The following VTI1B variants were observed in gnomAD, a reference collection of about 807,000 sequenced individuals.
The protein encoded by VTI1B is vesicle transport through interaction with t-SNAREs 1B.
Under a neutral mutation model 28.6 loss-of-function variants are expected in VTI1B, and 18 were observed. The observed-to-expected ratio is 0.63, with a 90% CI of 0.43 to 0.93. The LOEUF is 0.93. VTI1B is among the 40% of genes least tolerant of loss of function. The pLI is 0.00. For missense variants in VTI1B, 283 were observed against 297.0 expected (o/e 0.95, Z 0.35); for synonymous variants, 100 against 107.9 (o/e 0.93, Z 0.46).
rs747851031 is a variant in VTI1B at position 67,656,513 on chromosome 14, C to T, written c.443G>A (p.Arg148His). The T allele has an allele frequency of 6.2e-6, 10 of 1,613,852 alleles. No homozygotes were observed. In the African/African-American group the frequency reaches 8.0e-5, roughly 13 times the overall value. Residue 148 changes from arginine to histidine, a missense_variant, in exon 4 of 6, where the codon CGT (arginine) becomes CAT (histidine). Transcript: ENST00000554659. The part of the protein sequence containing the change: ...SLNRATQSIE[R>H]SHRIATETDQ... ...AGTCTCTGTGGCAATCCGATGAGAA[C>T]GTTCAATACTTTGGGTGGCCCGGTT...
intron 1 of VTI1B, 84 bp downstream of exon 1, chr14:67,674,291 C>G: frequency 7.7e-7 from 1 of 1,297,962 alleles, no homozygotes; most frequent in Non-Finnish European, 1.0e-6. Context: ...GACGCGGGCC[C>G]GGGTCTGGGA....
At chr14:67,671,951 G>A (rs761108733) in intron 1 of VTI1B, among the ~76,000 whole-genome samples, 24 of 152,188 alleles carry the variant, frequency 1.6e-4, no homozygotes, top group Admixed American at 1.2e-3. Context: ...CTCTTAATGC[G>A]ATTAAAATAG....
rs2037216539 is a variant in VTI1B at position 67,653,601 on chromosome 14, A to T, written c.541-103T>A. ...AGGCATTAAGGGATATATGTTGAAA[A>T]ATTCCAAGAAATCAAGCCAATTTAA... On this transcript the variant is annotated intron_variant, in intron 4 of 5. Transcript: ENST00000554659. 5.0e-6 allele frequency: 5 copies of T among 1,004,258 alleles called. No individual in the cohort carries two copies. The South Asian group carries it at 7.9e-5, about 16-fold the overall frequency. The allele number at this position is 1,004,258 out of a possible 1,614,324, so 62.2% of individuals were successfully genotyped here.
Position 67,674,383 on chromosome 14 carries a change from G to T in VTI1B, c.107C>A (p.Ala36Glu), listed in dbSNP as rs1262468271. ...GCCCACCCCCGCCTCACCGGTCCCCGCCGTCCCCAGCAGCCGCTCGGGCAC... is the reference window on the plus strand; with the variant it reads ...GCCCACCCCCGCCTCACCGGTCCCCTCCGTCCCCAGCAGCCGCTCGGGCAC... ...QGVPERLLGT[A>E]GTEEKKKLIR... The change falls in exon 1 of 6, where the codon GCG (alanine) becomes GAG (glutamate). Residue 36 changes from alanine to glutamate, a missense_variant. Transcript: ENST00000554659. 1.3e-6 allele frequency: 2 copies of T among 1,595,466 alleles called. No homozygotes were observed. The highest frequency in any genetic ancestry group is 1.7e-5 in the Admixed American group (1 of 57,882).
At chr14:67,668,592 T>C (rs2037429960) in intron 1 of VTI1B, among the ~76,000 whole-genome samples, 1 of 152,234 alleles carries the variant, frequency 6.6e-6, no homozygotes, top group African/African-American at 2.4e-5. Context: ...ACACATTCCA[T>C]CATCCAATAG....
intron 2 of VTI1B, among the ~76,000 whole-genome samples, 192 bp downstream of exon 2, chr14:67,662,285 A>T (rs1233205399): frequency 6.6e-6 from 1 of 152,186 alleles, no homozygotes; most frequent in Non-Finnish European, 1.5e-5. Flanking sequence ...TTTCAGGAGC[A>T]TCTTCAGGCT....
At chr14:67,660,093 G>A in intron 2 of VTI1B, 171 bp from the exon 3 acceptor site, 1 of 639,136 alleles carries the variant, frequency 1.6e-6, no homozygotes, top group Admixed American at 3.2e-5. Context: ...CATTCTGAAT[G>A]CCTTGCATAG....
In VTI1B at chr14:67,651,416, A is replaced by G; in HGVS notation, c.668T>C (p.Leu223Pro). 1 of 1,614,014 alleles carries G rather than the reference A, an allele frequency of 6.2e-7. No homozygotes were observed. Among genetic ancestry groups the G allele is most frequent in the Non-Finnish European group, 8.5e-7 (1 of 1,179,860 alleles). The change falls in exon 6 of 6, where the codon CTG (leucine) becomes CCG (proline). Residue 223 changes from leucine (L) to proline (P), a missense_variant. Coordinates refer to ENST00000554659, the MANE Select transcript of VTI1B (RefSeq NM_006370.3). ...GCTGCGAAAGAATTTGTAGTAAACC[A>G]GGCCTCCCAGGATGGCGAGCTCCAG... ...ILLELAILGG[L>P]VYYKFFRSH
At chr14:67,660,984 T>C (rs777169533) in intron 2 of VTI1B, among the ~76,000 whole-genome samples, 23 of 152,186 alleles carry the variant, frequency 1.5e-4, no homozygotes, top group Admixed American at 3.3e-4. Context: ...TCTAGTGGCC[T>C]GGTCTTTCTT....
At chr14:67,665,174 A>G (rs1486661552) in intron 1 of VTI1B, among the ~76,000 whole-genome samples, 2 of 152,038 alleles carry the variant, frequency 1.3e-5, no homozygotes, top group Non-Finnish European at 2.9e-5. Context: ...TTTGAACCCA[A>G]TCCTACATAA....
intron 1 of VTI1B, among the ~76,000 whole-genome samples, chr14:67,671,069 G>A (rs1481011213): frequency 6.6e-6 from 1 of 152,224 alleles, no homozygotes; most frequent in Non-Finnish European, 1.5e-5. Flanking sequence ...GAGGCACCAT[G>A]TGTTTGCTTA....
At chr14:67,658,901 G>A (rs538692060) in intron 3 of VTI1B, among the ~76,000 whole-genome samples, 12 of 152,150 alleles carry the variant, frequency 7.9e-5, no homozygotes, top group Non-Finnish European at 1.5e-4. Context: ...AGGATGCATC[G>A]TGAAACAGGA....
chr14:67,661,242 T>A (rs1443036361), intron 2 of VTI1B, among the ~76,000 whole-genome samples: 2 of 122,660 alleles, frequency 1.6e-5, no homozygotes, highest in Non-Finnish European at 3.2e-5. Context: ...TATGATGAGA[T>A]GGAGTCAAAG....
chr14:67,652,207 C>T (rs186123136), intron 5 of VTI1B: 2 of 152,304 alleles, frequency 1.3e-5, no homozygotes, highest in East Asian at 3.9e-4. Flanking sequence ...TGTTAGCACT[C>T]GAGGATTTTG....
In VTI1B at chr14:67,662,825, C is replaced by G. The variant is rs149095026; in HGVS notation, c.116-290G>C. ...AGGCAGAGGTAGAGAAATGCTTGAA[C>G]CCAGGAGGTGGAAGTGGCAATGAGC... On this transcript the variant is annotated intron_variant, in intron 1 of 5. Coordinates refer to ENST00000554659, the MANE Select transcript of VTI1B (RefSeq NM_006370.3). 7.6e-3 allele frequency among the ~76,000 whole-genome samples: 1,157 copies of G among 151,328 alleles called. 13 individuals carry two copies. The highest frequency in any genetic ancestry group is 0.027 in the Middle Eastern group (8 of 294).
At chr14:67,672,775 C>A (rs1184773339) in intron 1 of VTI1B, among the ~76,000 whole-genome samples, 1 of 152,116 alleles carries the variant, frequency 6.6e-6, no homozygotes, top group African/African-American at 2.4e-5. Flanking sequence ...TAAATCAGAT[C>A]CCACAATGCT....
In VTI1B at chr14:67,651,272, T is replaced by G; in HGVS notation, c.*113A>C. The G allele has an allele frequency of 1.9e-6, 3 of 1,588,566 alleles. No homozygotes were observed. Among genetic ancestry groups the G allele is most frequent in the Non-Finnish European group, 2.6e-6 (3 of 1,168,200 alleles). On this transcript the variant is annotated 3_prime_UTR_variant, in exon 6 of 6. Coordinates refer to ENST00000554659, the MANE Select transcript of VTI1B (RefSeq NM_006370.3). ...CTCCTCCCACAGCCTGGCTATACAG[T>G]GCATCCTTGAACTGTCAGCCCACAG... is the stretch of plus-strand genomic sequence containing the variant.
intron 2 of VTI1B, among the ~76,000 whole-genome samples, chr14:67,661,467 A>T (rs751233357): frequency 4.0e-5 from 6 of 151,080 alleles, no homozygotes; most frequent in Non-Finnish European, 8.8e-5. Context: ...AGAAAGGGAC[A>T]TGGTTAGAAT....
rs768854931 is a variant in VTI1B at position 67,651,300 on chromosome 14, G to C, written c.*85C>G. The C allele has an allele frequency of 3.1e-6, 5 of 1,605,644 alleles. No homozygotes were observed. The South Asian group carries it at 5.6e-5, about 18-fold the overall frequency. On this transcript the variant is annotated 3_prime_UTR_variant, in exon 6 of 6. Coordinates refer to ENST00000554659, the MANE Select transcript of VTI1B (RefSeq NM_006370.3). ...ATCCTTGAACTGTCAGCCCACAGCA[G>C]CAATATGCTTATTCTATCCACATCC...
Sources: gnomAD v4.1 joint callset for allele counts (sites outside exome capture counted in the v4.1 genomes callset) on GRCh38, gnomAD v4.1.1 for gene constraint, MANE v1.5 for transcripts, NCBI Gene and HGNC (gene_info 2026-07-23, HGNC 2026-07-21) for gene names.